The following STAM variants were observed in gnomAD, a reference collection of about 807,000 sequenced individuals.
STAM encodes the protein signal transducing adapter molecule 1.
Under a neutral mutation model 63.4 loss-of-function variants are expected in STAM, and 16 were observed. That is an observed-to-expected ratio of 0.25 (90% confidence interval 0.17 to 0.38). The LOEUF is 0.38. STAM is among the 10% of genes least tolerant of loss of function. The pLI, the probability that STAM is intolerant of heterozygous loss-of-function variation, is 1.00. For missense variants in STAM, 636 were observed against 657.1 expected (o/e 0.97, Z 0.35); for synonymous variants, 238 against 223.9 (o/e 1.06, Z -0.56).
At position 17,689,384 on chromosome 10, in the gene STAM, C is replaced by T. The variant is rs1013896642; in HGVS notation, c.444+1211C>T. The stretch of plus-strand genomic sequence containing the variant: ...CATCCAGACCTACATGTGCTTTCTT[C>T]CCAAGGCATTTCCAGTTTATCTGAG... On this transcript the variant is annotated intron_variant, in intron 5 of 13. Transcript: ENST00000377524. 2.0e-5 allele frequency among the ~76,000 whole-genome samples: 3 copies of T among 152,040 alleles called. No homozygotes were observed. In the East Asian group the frequency reaches 5.8e-4, roughly 29 times the overall value.
Position 17,705,642 on chromosome 10 carries a change from A to G in STAM, c.1110A>G (p.Leu370=), listed in dbSNP as rs201053297. 2.5e-6 allele frequency: 4 copies of G among 1,613,988 alleles called. No individual in the cohort carries two copies. Among genetic ancestry groups the G allele is most frequent in the African/African-American group, 1.3e-5 (1 of 75,036 alleles). Residue 370 remains leucine (L), a synonymous_variant, in exon 12 of 14, where the codon TTA becomes TTG. Transcript: ENST00000377524. ...TGAAAGTGATGGAGGCCCTTTCCTTATATACCAAGTTAATGAACGAAGATC... is the reference window on the plus strand; with the variant it reads ...TGAAAGTGATGGAGGCCCTTTCCTTGTATACCAAGTTAATGAACGAAGATC... The part of the protein sequence containing the change: ...LNVKVMEALS[L]YTKLMNEDPM...
chr10:17,668,524 G>A (rs949002339), intron 2 of STAM, among the ~76,000 whole-genome samples: 10 of 152,204 alleles, frequency 6.6e-5, no homozygotes, highest in Non-Finnish European at 1.3e-4. Flanking sequence ...ATAATGACAT[G>A]TGTCTACCAT....
chr10:17,703,008 C>CAAAAAA (rs71507229), intron 9 of STAM, among the ~76,000 whole-genome samples: 81 of 67,454 alleles, frequency 1.2e-3, no homozygotes, highest in South Asian at 1.9e-3. Flanking sequence ...GACTCCATCT[C>CAAAAAA]AAAAAAAAAA....
chr10:17,707,879 G>GTT (rs782290174), intron 12 of STAM, among the ~76,000 whole-genome samples: 2 of 139,438 alleles, frequency 1.4e-5, no homozygotes, highest in Non-Finnish European at 3.2e-5. Context: ...CCTGTTGCCT[G>GTT]TTTTTTTTTT....
In STAM at chr10:17,714,612, C is replaced by T. The variant is rs564769699; in HGVS notation, c.1455C>T (p.Ala485=). 33 of 1,614,138 alleles carry T rather than the reference C, an allele frequency of 2.0e-5. No individual in the cohort carries two copies. Among genetic ancestry groups the T allele is most frequent in the East Asian group, 4.5e-5 (2 of 44,880 alleles). The part of the protein sequence containing the change: ...SQAPVYSPPP[A]ATAAAATADV... ...CGCCAGTATATAGTCCTCCTCCTGC[C>T]GCTACTGCTGCTGCTGCAACTGCCG... The change falls in exon 14 of 14, where the codon GCC becomes GCT. Residue 485 remains alanine (A), a synonymous_variant. Transcript: ENST00000377524.
intron 13 of STAM, among the ~76,000 whole-genome samples, chr10:17,710,828 A>G (rs932563367): frequency 2.0e-5 from 3 of 152,234 alleles, no homozygotes; most frequent in Admixed American, 6.5e-5. Flanking sequence ...TAGACCAGTT[A>G]GGTGTATTTT....
Position 17,676,144 on chromosome 10 carries a change from C to T in STAM, c.126-8531C>T, listed in dbSNP as rs114524370. ...TCTATTGCAAAAGAAAGCACAGTAG[C>T]ACAGTTTGGATATTTGTGTGTGAAG... On this transcript the variant is annotated intron_variant, in intron 2 of 13. Transcript: ENST00000377524. Among the ~76,000 whole-genome samples, 317 of 152,250 alleles carry T rather than the reference C, an allele frequency of 2.1e-3. 1 individual carries two copies. Among genetic ancestry groups the T allele is most frequent in the African/African-American group, 6.6e-3 (274 of 41,538 alleles).
intron 4 of STAM, among the ~76,000 whole-genome samples, 186 bp from the exon 5 acceptor site, chr10:17,687,841 A>T (rs1835357249): frequency 6.6e-6 from 1 of 152,248 alleles, no homozygotes; most frequent in Non-Finnish European, 1.5e-5. Flanking sequence ...GAAGTGAGAT[A>T]TATATGATGG....
chr10:17,651,954 A>G (rs899592115), intron 1 of STAM, among the ~76,000 whole-genome samples: 2 of 152,228 alleles, frequency 1.3e-5, no homozygotes, highest in South Asian at 2.1e-4. Context: ...CTTATCAGAA[A>G]AAGTTCTCTA....
chr10:17,714,840 T>TC lies in STAM; in HGVS notation c.*60_*61insC. ...AAATGCCACTGACAATGTTATGAGA[T>TC]TCATTACTATCTTAAGATGTGTTTA... On this transcript the variant is annotated 3_prime_UTR_variant, in exon 14 of 14. Transcript: ENST00000377524. 2.1e-6 allele frequency: 3 copies of TC among 1,403,292 alleles called. No homozygotes were observed. The highest frequency in any genetic ancestry group is 1.4e-5 in the African/African-American group (1 of 70,760). 86.9% of individuals were successfully genotyped at this position (1,403,292 alleles called of 1,614,324 possible).
Position 17,705,571 on chromosome 10 carries a change from A to T in STAM, c.1056-17A>T, listed in dbSNP as rs1284873866. The T allele has an allele frequency of 1.9e-6, 3 of 1,605,290 alleles. No individual in the cohort carries two copies. Among genetic ancestry groups the T allele is most frequent in the East Asian group, 2.2e-5 (1 of 44,810 alleles). On this transcript the variant is annotated splice_polypyrimidine_tract_variant and intron_variant, in intron 11 of 13. Transcript: ENST00000377524. Reference sequence around the variant, plus strand: ...TTTAGTAACAGCTATGCTTCAAATTATTGTGTCATGTTTCAGAAAACATTC... The same window carrying T: ...TTTAGTAACAGCTATGCTTCAAATTTTTGTGTCATGTTTCAGAAAACATTC...
At chr10:17,651,264 C>G (rs1348545700) in intron 1 of STAM, among the ~76,000 whole-genome samples, 5 of 151,984 alleles carry the variant, frequency 3.3e-5, no homozygotes, top group African/African-American at 9.7e-5. Flanking sequence ...TGTGGATCCT[C>G]TGGCTTGACA....
Position 17,693,291 on chromosome 10 carries a change from G to A in STAM, c.514G>A (p.Glu172Lys). The change falls in exon 6 of 14, where the codon GAA (glutamate) becomes AAA (lysine). Residue 172 changes from glutamate (E) to lysine (K), a missense_variant. Physicochemically the swap from Glu to Lys is moderately conservative, Grantham distance 56. Around this residue, in one of 3 missense-constraint regions of STAM, gnomAD observed 532 missense variants for 536.9 expected, o/e 0.99. Transcript: ENST00000377524. The part of the protein sequence containing the change: ...KDPGTVANKK[E>K]EEDLAKAIEL... ...TCCTGGTACTGTGGCTAACAAAAAA[G>A]AAGAAGAAGATTTAGCAAAAGGTGC... is the stretch of plus-strand genomic sequence containing the variant. 1.2e-6 allele frequency: 2 copies of A among 1,611,130 alleles called. No homozygotes were observed. The highest frequency in any genetic ancestry group is 1.7e-6 in the Non-Finnish European group (2 of 1,179,198).
intron 1 of STAM, among the ~76,000 whole-genome samples, chr10:17,653,638 T>C (rs569379630): frequency 7.2e-5 from 11 of 152,308 alleles, no homozygotes; most frequent in Admixed American, 7.2e-4. Context: ...ACCGAACACA[T>C]AGAGACATTT....
chr10:17,680,531 G>A (rs536617746), intron 2 of STAM, among the ~76,000 whole-genome samples: 1 of 151,156 alleles, frequency 6.6e-6, no homozygotes, highest in African/African-American at 2.4e-5. Flanking sequence ...TCAGCCTCTC[G>A]AATAGCTGGG....
chr10:17,695,292 G>A (rs1554827358), intron 7 of STAM, 51 bp downstream of exon 7: 2 of 1,525,098 alleles, frequency 1.3e-6, no homozygotes, highest in Non-Finnish European at 1.8e-6. Context: ...TATGGCTTCT[G>A]TGTTTCATAT....
chr10:17,707,903 T>C (rs1836368134), intron 12 of STAM, among the ~76,000 whole-genome samples: 1 of 152,106 alleles, frequency 6.6e-6, no homozygotes, highest in African/African-American at 2.4e-5. Context: ...TAATAAACTT[T>C]TTTTTGAGAC....
At chr10:17,644,783 G>A (rs1033461861) in intron 1 of STAM, among the ~76,000 whole-genome samples, 17 of 152,200 alleles carry the variant, frequency 1.1e-4, no homozygotes, top group African/African-American at 4.1e-4. Flanking sequence ...TAAATGTTGA[G>A]CGTCTGGAAC....
intron 12 of STAM, among the ~76,000 whole-genome samples, chr10:17,707,032 T>A (rs1294499504): frequency 6.6e-6 from 1 of 152,302 alleles, no homozygotes; most frequent in East Asian, 1.9e-4. Flanking sequence ...TAGAGCCGTT[T>A]GCTTTCTTTT....
Sources: allele counts gnomAD v4.1 joint callset (sites outside exome capture counted in the v4.1 genomes callset), GRCh38; gene constraint gnomAD v4.1.1; regional missense constraint gnomAD v4.1.1; transcripts MANE v1.5; gene names NCBI Gene and HGNC (gene_info 2026-07-23, HGNC 2026-07-21).